Variants in MRE11 observed in about 807,000 individuals in gnomAD.
MRE11 encodes double-strand break repair protein MRE11.
Under a neutral mutation model 91.7 loss-of-function variants are expected in MRE11, and 62 were observed. The observed-to-expected ratio is 0.68, with a 90% CI of 0.55 to 0.84. MRE11 has a LOEUF of 0.84. MRE11 is among the 40% of genes least tolerant of loss of function. The probability of loss-of-function intolerance (pLI) is 0.00; values close to 1 mark genes in which losing one functional copy is unlikely to be tolerated. For synonymous variants in MRE11, 273 were observed against 271.4 expected (o/e 1.01, Z -0.06); for missense variants, 796 against 852.9 (o/e 0.93, Z 0.83).
chr11:94,496,687 G>T (rs780992238), upstream of MRE11: 1 of 1,570,858 alleles, frequency 6.4e-7, no homozygotes, highest in Non-Finnish European at 8.6e-7. Context: ...TAGAATAGTA[G>T]TAAAAAATGG....
rs1207788812 is a variant in MRE11 at position 94,416,099 on chromosome 11, C to A, written c.*4026G>T. Reference sequence around the variant, plus strand: ...GTGCTAGGATCACAGGCGTGAGCCACCGTGCCCGGTGCTGGGATTCTAATT... The same window carrying A: ...GTGCTAGGATCACAGGCGTGAGCCAACGTGCCCGGTGCTGGGATTCTAATT... On this transcript the variant is annotated 3_prime_UTR_variant, in exon 20 of 20. Transcript: ENST00000323929. The A allele has an allele frequency of 6.6e-6, 1 of 152,248 alleles. No individual in the cohort carries two copies. Among genetic ancestry groups the A allele is most frequent in the South Asian group, 2.1e-4 (1 of 4,828 alleles). The allele number at this position is 152,248 out of a possible 1,614,324, so 9.4% of individuals were successfully genotyped here. A position where few individuals can be genotyped will look rare whatever the true frequency, so the allele number is the denominator to read the frequency against.
chr11:94,466,116 C>G (rs1373915352), intron 10 of MRE11, among the ~76,000 whole-genome samples: 1 of 152,098 alleles, frequency 6.6e-6, no homozygotes, highest in African/African-American at 2.4e-5. Flanking sequence ...GCAACAGGAT[C>G]AACATGGACA....
chr11:94,480,883 A>G (rs1946994469), intron 4 of MRE11, among the ~76,000 whole-genome samples: 1 of 152,266 alleles, frequency 6.6e-6, no homozygotes, highest in Non-Finnish European at 1.5e-5. Context: ...GGGGCCATCC[A>G]TATTTTCAAA....
intron 19 of MRE11, among the ~76,000 whole-genome samples, chr11:94,428,876 G>A (rs1287357075): frequency 2.0e-5 from 3 of 151,586 alleles, no homozygotes; most frequent in Non-Finnish European, 4.4e-5. Flanking sequence ...AAAAAAAAGA[G>A]AAAAGAAACT....
rs1945074669 is a variant in MRE11 at position 94,418,128 on chromosome 11, A to C, written c.*1997T>G. On this transcript the variant is annotated 3_prime_UTR_variant, in exon 20 of 20. Coordinates refer to ENST00000323929, the MANE Select transcript of MRE11 (RefSeq NM_005591.4). ...GAAACAAAAAACAAAACTCCCCTAA[A>C]ACCAACAGATTTTGCAGGATCAATA... is the stretch of plus-strand genomic sequence containing the variant. The C allele has an allele frequency of 4.3e-6, 1 of 232,928 alleles. No individual in the cohort carries two copies. The highest frequency in any genetic ancestry group is 1.8e-4 in the South Asian group (1 of 5,528). 14.4% of individuals were successfully genotyped at this position (232,928 alleles called of 1,614,324 possible).
At chr11:94,436,892 T>G (rs1358768908) in intron 17 of MRE11, among the ~76,000 whole-genome samples, 5 of 152,236 alleles carry the variant, frequency 3.3e-5, no homozygotes, top group Non-Finnish European at 7.3e-5. Flanking sequence ...TCAATATTAG[T>G]ATTCCATGTA....
At chr11:94,503,852 C>T in the MRE11 span, among the ~76,000 whole-genome samples, 1 of 107,474 alleles carries the variant, frequency 9.3e-6, no homozygotes, top group Non-Finnish European at 2.0e-5. Flanking sequence ...AAAAAAAAGA[C>T]TAGCTATAAA....
At position 94,420,040 on chromosome 11, in the gene MRE11, C is replaced by T. The variant is rs1271829410; in HGVS notation, c.*85G>A. 1 of 1,127,348 alleles carries T rather than the reference C, an allele frequency of 8.9e-7. No individual in the cohort carries two copies. Among genetic ancestry groups the T allele is most frequent in the South Asian group, 1.3e-5 (1 of 76,288 alleles). 69.8% of individuals were successfully genotyped at this position (1,127,348 alleles called of 1,614,324 possible). On this transcript the variant is annotated 3_prime_UTR_variant, in exon 20 of 20. Transcript: ENST00000323929. ...ATGGAGTTATGCTCAGGAAACAATA[C>T]TTAAAATCTTAAACTGTAAACTCTT...
At chr11:94,437,705 T>C (rs1014820700) in intron 16 of MRE11, among the ~76,000 whole-genome samples, 160 of 152,330 alleles carry the variant, frequency 1.1e-3, no homozygotes, top group African/African-American at 3.6e-3. Flanking sequence ...CAGAGGAGAA[T>C]TCTAGAAAAC....
chr11:94,491,121 C>CT (rs774746961), intron 2 of MRE11, among the ~76,000 whole-genome samples, 156 bp from the exon 3 acceptor site: 1 of 152,040 alleles, frequency 6.6e-6, no homozygotes, highest in Non-Finnish European at 1.5e-5. Flanking sequence ...AAGTATTCAA[C>CT]GTTATCATTA....
At chr11:94,460,330 T>C (rs1004852052) in intron 12 of MRE11, among the ~76,000 whole-genome samples, 1 of 152,196 alleles carries the variant, frequency 6.6e-6, no homozygotes, top group South Asian at 2.1e-4. Flanking sequence ...AGGAAACTAA[T>C]ACAACCGGAG....
chr11:94,442,697 G>C (rs1162828989), intron 16 of MRE11, among the ~76,000 whole-genome samples: 1 of 152,088 alleles, frequency 6.6e-6, no homozygotes, highest in East Asian at 1.9e-4. Flanking sequence ...CAGGCTTTTT[G>C]ATCATTTAAT....
chr11:94,443,317 T>A (rs1945837055), intron 16 of MRE11, among the ~76,000 whole-genome samples: 1 of 152,210 alleles, frequency 6.6e-6, no homozygotes, highest in Non-Finnish European at 1.5e-5. Context: ...GTGAGATCAT[T>A]CCCAGATCTG....
In MRE11 at chr11:94,432,558, C is replaced by T. The variant is rs574601654; in HGVS notation, c.1995-2572G>A. Among the ~76,000 whole-genome samples, 22 of 152,332 alleles carry T rather than the reference C, an allele frequency of 1.4e-4. No individual in the cohort carries two copies. The East Asian group carries it at 2.5e-3, about 17-fold the overall frequency. Reference sequence around the variant, plus strand: ...GCACGGTGGCTCATGCCTGTAATCCCAGCACTTGGGAGGCCGAGGCGGGCG... The same window carrying T: ...GCACGGTGGCTCATGCCTGTAATCCTAGCACTTGGGAGGCCGAGGCGGGCG... On this transcript the variant is annotated intron_variant, in intron 18 of 19. Coordinates refer to ENST00000323929, the MANE Select transcript of MRE11 (RefSeq NM_005591.4).
chr11:94,498,778 C>A, upstream of MRE11: 1 of 481,000 alleles, frequency 2.1e-6, no homozygotes, highest in Non-Finnish European at 3.7e-6. Flanking sequence ...TGTGTGTATA[C>A]TTAAAAACTT....
At chr11:94,460,330 T>A (rs1004852052) in intron 12 of MRE11, among the ~76,000 whole-genome samples, 4 of 152,196 alleles carry the variant, frequency 2.6e-5, no homozygotes, top group African/African-American at 9.6e-5. Flanking sequence ...AGGAAACTAA[T>A]ACAACCGGAG....
chr11:94,455,250 C>G (rs968977682), intron 14 of MRE11, among the ~76,000 whole-genome samples: 1 of 152,262 alleles, frequency 6.6e-6, no homozygotes, highest in African/African-American at 2.4e-5. Context: ...TCTGGTCTGT[C>G]TCCTCATTTA....
intron 3 of MRE11, among the ~76,000 whole-genome samples, chr11:94,487,190 C>A (rs1235898772): frequency 6.6e-6 from 1 of 152,024 alleles, no homozygotes; most frequent in Admixed American, 6.6e-5. Flanking sequence ...GGTTGCACAG[C>A]AATATGAACA....
At chr11:94,483,647 G>C (rs1252014672) in intron 4 of MRE11, 1 of 152,464 alleles carries the variant, frequency 6.6e-6, no homozygotes, top group African/African-American at 2.4e-5. Flanking sequence ...TCTTTCTTTT[G>C]TGAACTGCCC....
Sources: gnomAD v4.1 joint callset for allele counts (sites outside exome capture counted in the v4.1 genomes callset) on GRCh38, gnomAD v4.1.1 for gene constraint, MANE v1.5 for transcripts, NCBI Gene and HGNC (gene_info 2026-07-23, HGNC 2026-07-21) for gene names.